Variants in PCDHGA10 observed in about 807,000 individuals in gnomAD.
The protein encoded by PCDHGA10 is protocadherin gamma subfamily A, 10.
A neutral mutation model predicts 59.5 loss-of-function variants in PCDHGA10; 42 were observed. That is an observed-to-expected ratio of 0.71 (90% CI 0.55 to 0.91). PCDHGA10 has a LOEUF of 0.91. Ranked by LOEUF, PCDHGA10 falls within the 40% of genes least tolerant of loss-of-function variation. PCDHGA10 has a pLI of 0.00. For missense variants in PCDHGA10, 1,111 were observed against 1,198.2 expected, an observed-to-expected ratio of 0.93 and a Z score of 1.07; for synonymous variants, 511 against 517.2, an observed-to-expected ratio of 0.99 and a Z score of 0.16.
chr5:141,413,023 A>T lies in PCDHGA10; in HGVS notation c.-153A>T. On this transcript the variant is annotated 5_prime_UTR_variant, in exon 1 of 4. Transcript: ENST00000398610. ...TCAGGGCTTCAACTACACAAGCCCC[A>T]CAAACCGGCTGCTGGGCTGCAGGGA... is the stretch of plus-strand genomic sequence containing the variant. 1 of 729,646 alleles carries T rather than the reference A, an allele frequency of 1.4e-6. No homozygotes were observed. Among genetic ancestry groups the T allele is most frequent in the Non-Finnish European group, 2.1e-6 (1 of 465,866 alleles). The allele number at this position is 729,646 out of a possible 1,614,324, so 45.2% of individuals were successfully genotyped here. A position where few individuals can be genotyped will look rare whatever the true frequency, so the allele number is the denominator to read the frequency against.
chr5:141,415,760 T>G (rs779762678), intron 1 of PCDHGA10, 149 bp downstream of exon 1: 355 of 1,388,296 alleles, frequency 2.6e-4, no homozygotes, highest in East Asian at 7.0e-4. Flanking sequence ...TTTTTTTTTT[T>G]TTTTTTTTTT....
chr5:141,433,437 T>C (rs1422634356), intron 1 of PCDHGA10, among the ~76,000 whole-genome samples: 2 of 152,076 alleles, frequency 1.3e-5, no homozygotes, highest in Admixed American at 1.3e-4. Flanking sequence ...AGTCTCACTA[T>C]GTTGAGCAGG....
chr5:141,453,524 C>T (rs1351750021), intron 1 of PCDHGA10, among the ~76,000 whole-genome samples: 1 of 152,060 alleles, frequency 6.6e-6, no homozygotes, highest in Non-Finnish European at 1.5e-5. Flanking sequence ...TCCCCTATAC[C>T]TTCTGCCTCA....
chr5:141,465,778 A>G (rs544366126), intron 1 of PCDHGA10, among the ~76,000 whole-genome samples: 1 of 148,538 alleles, frequency 6.7e-6, no homozygotes, highest in East Asian at 1.9e-4. Context: ...CTCTTGTTAC[A>G]GTTTTTTTTT....
At chr5:141,458,459 A>G (rs1232004043) in intron 1 of PCDHGA10, among the ~76,000 whole-genome samples, 1 of 152,006 alleles carries the variant, frequency 6.6e-6, no homozygotes, top group African/African-American at 2.4e-5. Flanking sequence ...AATTTTTAAA[A>G]TACCGTACAA....
Position 141,489,173 on chromosome 5 carries a change from C to T in PCDHGA10, c.2437-5634C>T. 8.3e-7 allele frequency: 1 copy of T among 1,208,434 alleles called. No individual in the cohort carries two copies. Among genetic ancestry groups the T allele is most frequent in the Non-Finnish European group, 1.2e-6 (1 of 860,944 alleles). The allele number at this position is 1,208,434 out of a possible 1,614,324, so 74.9% of individuals were successfully genotyped here. ...CATAAGAGACTTCAGCTGCTGCATTCCAAGCCCTGGGTCTACCTTGGAGAC... is the reference window on the plus strand; with the variant it reads ...CATAAGAGACTTCAGCTGCTGCATTTCAAGCCCTGGGTCTACCTTGGAGAC... On this transcript the variant is annotated intron_variant, in intron 1 of 3. Coordinates refer to ENST00000398610, the MANE Select transcript of PCDHGA10 (RefSeq NM_018913.3). The surrounding 1 kb of genome is among the most constrained non-coding windows in gnomAD (Gnocchi z 4.5).
At chr5:141,453,959 C>A (rs919037104) in intron 1 of PCDHGA10, among the ~76,000 whole-genome samples, 1 of 152,182 alleles carries the variant, frequency 6.6e-6, no homozygotes, top group African/African-American at 2.4e-5. Flanking sequence ...GCACAGACAG[C>A]AAAGCATGTA....
intron 1 of PCDHGA10, chr5:141,430,865 C>G: frequency 6.3e-7 from 1 of 1,595,350 alleles, no homozygotes; most frequent in Non-Finnish European, 8.5e-7. Flanking sequence ...CTATTCAGTT[C>G]CGGAAGAGCT....
chr5:141,483,099 C>T (rs10068400), intron 1 of PCDHGA10, among the ~76,000 whole-genome samples: 3,098 of 152,014 alleles, frequency 0.02, 87 homozygotes, highest in African/African-American at 0.065. Flanking sequence ...AAAAAGTGTG[C>T]GTGTAAAACA....
rs754462129 is a variant in PCDHGA10, at chr5:141,490,693, G to T, written c.2437-4114G>T. 6.2e-7 allele frequency: 1 copy of T among 1,614,170 alleles called. No homozygotes were observed. Among genetic ancestry groups the T allele is most frequent in the South Asian group, 1.1e-5 (1 of 91,072 alleles). On this transcript the variant is annotated intron_variant, in intron 1 of 3. Transcript: ENST00000398610. This position sits in a 1 kb window ranked among gnomAD's most constrained non-coding sequence, Gnocchi z 5.4. Reference sequence around the variant, plus strand: ...GGCTGCCTCAGATCCAGACACTGGGGATAATGCCCGCCTCACCTACTCCAT... The same window carrying T: ...GGCTGCCTCAGATCCAGACACTGGGTATAATGCCCGCCTCACCTACTCCAT...
chr5:141,417,791 C>G, intron 1 of PCDHGA10: 1 of 1,482,658 alleles, frequency 6.7e-7, no homozygotes, highest in Non-Finnish European at 9.0e-7. Context: ...GCCGAATGCT[C>G]TTTTAGCGCG....
rs779750859 is a variant in PCDHGA10, at chr5:141,476,273, A to G, written c.2437-18534A>G. On this transcript the variant is annotated intron_variant, in intron 1 of 3. Transcript: ENST00000398610. The surrounding 1 kb of genome is among the most constrained non-coding windows in gnomAD (Gnocchi z 7.6). Reference sequence around the variant, plus strand: ...TTTCGCTGTGGGCAACGTGGTCGCGAACCTTGGTTTGGATCTCGGTAGCCT... The same window carrying G: ...TTTCGCTGTGGGCAACGTGGTCGCGGACCTTGGTTTGGATCTCGGTAGCCT... 6.2e-7 allele frequency: 1 copy of G among 1,613,964 alleles called. No individual in the cohort carries two copies. The highest frequency in any genetic ancestry group is 1.1e-5 in the South Asian group (1 of 91,064).
chr5:141,475,343 G>C (rs1425482944), intron 1 of PCDHGA10, among the ~76,000 whole-genome samples: 3 of 152,178 alleles, frequency 2.0e-5, no homozygotes, highest in Non-Finnish European at 2.9e-5. Context: ...ATGACATCCA[G>C]TTTTAAAAGA....
Position 141,414,434 on chromosome 5 carries a change from C to A in PCDHGA10, c.1259C>A (p.Ser420Tyr), listed in dbSNP as rs774467993. Reference sequence around the variant, plus strand: ...AGAGCCCTTGACAGGGAACAGGTATCCTCTTACAATATCACAGTGACAGCC... The same window carrying A: ...AGAGCCCTTGACAGGGAACAGGTATACTCTTACAATATCACAGTGACAGCC... ...IHRALDREQVSSYNITVTATD... is the reference protein window; with the variant it reads ...IHRALDREQVYSYNITVTATD... The change falls in exon 1 of 4, where the codon TCC (serine) becomes TAC (tyrosine). Residue 420 changes from serine to tyrosine, a missense_variant. Ser to Tyr is a moderately radical substitution (Grantham distance 144, BLOSUM62 -2). Transcript: ENST00000398610. The A allele has an allele frequency of 1.2e-6, 2 of 1,613,822 alleles. No individual in the cohort carries two copies. Among genetic ancestry groups the A allele is most frequent in the Non-Finnish European group, 8.5e-7 (1 of 1,179,824 alleles).
chr5:141,430,383 GAAA>G (rs139772145), intron 1 of PCDHGA10, among the ~76,000 whole-genome samples: 9 of 138,566 alleles, frequency 6.5e-5, no homozygotes, highest in African/African-American at 2.4e-4. Context: ...AGCTCATTGG[GAAA>G]AAAAAAAAAA....
At position 141,487,382 on chromosome 5, in the gene PCDHGA10, T is replaced by A. The variant is rs755316738; in HGVS notation, c.2437-7425T>A. 6.2e-7 allele frequency: 1 copy of A among 1,614,172 alleles called. No individual in the cohort carries two copies. The highest frequency in any genetic ancestry group is 2.2e-5 in the East Asian group (1 of 44,854). On this transcript the variant is annotated intron_variant, in intron 1 of 3. Transcript: ENST00000398610. The surrounding 1 kb of genome is among the most constrained non-coding windows in gnomAD (Gnocchi z 5.0). ...TGGCACCTGTGCCTGTCTCACCAGA[T>A]CTCGAAGGAGGGAGGGGCTTCCCCC...
chr5:141,443,733 C>T (rs7723254), intron 1 of PCDHGA10, among the ~76,000 whole-genome samples: 16,856 of 152,062 alleles, frequency 0.11, 1,109 homozygotes, highest in African/African-American at 0.17. Context: ...TCATACATTT[C>T]CCTATCAGTG....
intron 1 of PCDHGA10, among the ~76,000 whole-genome samples, chr5:141,470,888 T>C (rs2099243463): frequency 6.6e-6 from 1 of 151,912 alleles, no homozygotes; most frequent in Non-Finnish European, 1.5e-5. Context: ...GTTTTTGTTT[T>C]TGTTTTTTGT....
At position 141,413,386 on chromosome 5, in the gene PCDHGA10, GTC is replaced by G; in HGVS notation, c.214_215del (p.Ser72GlnfsTer3). On this transcript the variant is annotated frameshift_variant, in exon 1 of 4. Coordinates refer to ENST00000398610, the MANE Select transcript of PCDHGA10 (RefSeq NM_018913.3). LOFTEE classifies it high-confidence loss of function. ...GCTGGCGGAGCGCGGAGTCCGCATA[GTC>G]TCCAGAGGTAGGACGCAGCTTTTCT... ...RELAERGVRIVSRGRTQLFSL... is the reference protein window; with the variant it reads ...RELAERGVRIXSRGRTQLFSL... The G allele has an allele frequency of 6.2e-7, 1 of 1,614,002 alleles. No individual in the cohort carries two copies. Among genetic ancestry groups the G allele is most frequent in the Non-Finnish European group, 8.5e-7 (1 of 1,179,902 alleles).
Sources: gnomAD v4.1 joint callset for allele counts (sites outside exome capture counted in the v4.1 genomes callset) on GRCh38, gnomAD v4.1.1 for gene constraint, Gnocchi (gnomAD v3.1) non-coding constraint, MANE v1.5 for transcripts, NCBI Gene and HGNC (gene_info 2026-07-23, HGNC 2026-07-21) for gene names.